The following NMNAT3 variants were observed in gnomAD, a reference collection of about 807,000 sequenced individuals.
The protein encoded by NMNAT3 is nicotinamide/nicotinic acid mononucleotide adenylyltransferase 3.
A neutral mutation model predicts 24.8 loss-of-function variants in NMNAT3; 21 were observed. The ratio of observed to expected loss-of-function variants is 0.85; its 90% CI spans 0.60 to 1.22. The LOEUF is 1.22. Among genes scored for constraint, NMNAT3 ranks in the 50% most tolerant of loss-of-function variants. NMNAT3 has a pLI of 0.00. For synonymous variants in NMNAT3, 136 were observed against 155.2 expected (o/e 0.88, Z 0.92); for missense variants, 387 against 436.6 (o/e 0.89, Z 1.01).
rs908856343 is a variant in NMNAT3 at position 139,583,589 on chromosome 3, G to C, written c.110-381C>G. The C allele has an allele frequency of 3.9e-5, 31 of 791,436 alleles. 1 individual carries two copies. The South Asian group carries it at 4.4e-4, about 11-fold the overall frequency. 49.0% of individuals were successfully genotyped at this position (791,436 alleles called of 1,614,324 possible). On this transcript the variant is annotated intron_variant, in intron 3 of 6. Coordinates refer to ENST00000643695, the MANE Select transcript of NMNAT3 (RefSeq NM_001320510.2). ...TTTGAGAAATATAGGTGGATTGAGA[G>C]ACATTCTTCATTCAAACAAAAGTTT...
At chr3:139,641,009 T>C (rs2056681667) in intron 1 of NMNAT3, among the ~76,000 whole-genome samples, 1 of 152,166 alleles carries the variant, frequency 6.6e-6, no homozygotes, top group South Asian at 2.1e-4. Flanking sequence ...GCCAGAACGG[T>C]AGGCAGTTCA....
intron 1 of NMNAT3, among the ~76,000 whole-genome samples, chr3:139,655,989 AAGATT>A (rs1353974211): frequency 2.0e-5 from 3 of 152,218 alleles, no homozygotes; most frequent in East Asian, 3.8e-4. Flanking sequence ...GGAATTTTAA[AAGATT>A]AGAATGTCAC....
At chr3:139,644,209 G>A (rs1221280919) in intron 1 of NMNAT3, among the ~76,000 whole-genome samples, 1 of 152,060 alleles carries the variant, frequency 6.6e-6, no homozygotes, top group Non-Finnish European at 1.5e-5. Context: ...TAACACATTT[G>A]GCCTGAAATA....
intron 6 of NMNAT3, among the ~76,000 whole-genome samples, chr3:139,563,117 G>T (rs1029042888): frequency 6.6e-6 from 1 of 152,104 alleles, no homozygotes; most frequent in African/African-American, 2.4e-5. Context: ...TTTATGAATT[G>T]TCTCCCAGTG....
At chr3:139,667,335 G>GATTTGC (rs1559973501) in intron 1 of NMNAT3, among the ~76,000 whole-genome samples, 1 of 152,096 alleles carries the variant, frequency 6.6e-6, no homozygotes, top group Non-Finnish European at 1.5e-5. Context: ...TTGTGGTTTT[G>GATTTGC]ATTTGCATTT....
chr3:139,586,084 C>G (rs537861328), intron 3 of NMNAT3, among the ~76,000 whole-genome samples: 1 of 152,312 alleles, frequency 6.6e-6, no homozygotes, highest in African/African-American at 2.4e-5. Context: ...TATCTCTCAG[C>G]TTTTTAGCTT....
At chr3:139,660,550 T>C (rs969572037) in intron 1 of NMNAT3, among the ~76,000 whole-genome samples, 2 of 152,240 alleles carry the variant, frequency 1.3e-5, no homozygotes, top group African/African-American at 2.4e-5. Context: ...TGCGTTCATA[T>C]GTTCAAAGGC....
At chr3:139,622,215 T>A (rs1475062233) in intron 3 of NMNAT3, among the ~76,000 whole-genome samples, 1 of 152,178 alleles carries the variant, frequency 6.6e-6, no homozygotes, top group Non-Finnish European at 1.5e-5. Context: ...TTACAAGAGT[T>A]CCCTTTTCTC....
chr3:139,601,756 C>T (rs1021808566), intron 3 of NMNAT3, among the ~76,000 whole-genome samples: 7 of 152,150 alleles, frequency 4.6e-5, no homozygotes, highest in African/African-American at 1.7e-4. Context: ...TGGGTAGTCA[C>T]TGCTGGGCAG....
chr3:139,654,194 A>G (rs1308603635), intron 1 of NMNAT3, among the ~76,000 whole-genome samples: 1 of 152,214 alleles, frequency 6.6e-6, no homozygotes, highest in Admixed American at 6.5e-5. Context: ...TTGGCAATTA[A>G]TCTGCAGATA....
At chr3:139,620,074 T>C (rs1173598087) in intron 3 of NMNAT3, among the ~76,000 whole-genome samples, 1 of 152,210 alleles carries the variant, frequency 6.6e-6, no homozygotes, top group African/African-American at 2.4e-5. Context: ...TGGTATTTAG[T>C]TTATACGTCT....
At chr3:139,634,690 A>C (rs2056434876) in intron 2 of NMNAT3, 43 bp from the exon 3 acceptor site, 1 of 152,222 alleles carries the variant, frequency 6.6e-6, no homozygotes, top group Non-Finnish European at 1.5e-5. Flanking sequence ...CATCCTAATT[A>C]TGAGACTCCC....
chr3:139,570,631 A>G (rs1938089335), intron 6 of NMNAT3: 1 of 152,466 alleles, frequency 6.6e-6, no homozygotes, highest in Non-Finnish European at 1.5e-5. Context: ...TTGCCTGGGT[A>G]TCAGCAGTGG....
Position 139,560,794 on chromosome 3 carries a change from T to G in NMNAT3, c.*216A>C, listed in dbSNP as rs1647451566. 3 of 547,334 alleles carry G rather than the reference T, an allele frequency of 5.5e-6. No homozygotes were observed. In the African/African-American group the frequency reaches 5.6e-5, roughly 10 times the overall value. 33.9% of individuals were successfully genotyped at this position (547,334 alleles called of 1,614,324 possible). ...AATGACCTGCCACACCATTTTAACT[T>G]CTTTGATAAATGTCTATCCTTGTGA... On this transcript the variant is annotated 3_prime_UTR_variant, in exon 7 of 7. Coordinates refer to ENST00000643695, the MANE Select transcript of NMNAT3 (RefSeq NM_001320510.2).
intron 2 of NMNAT3, chr3:139,636,327 C>T (rs2056499319): frequency 6.8e-6 from 1 of 147,306 alleles, no homozygotes; most frequent in Non-Finnish European, 1.5e-5. Context: ...GAAAAAAATA[C>T]ACCTAAGGAA....
At chr3:139,622,340 T>C (rs2055814107) in intron 3 of NMNAT3, among the ~76,000 whole-genome samples, 1 of 152,074 alleles carries the variant, frequency 6.6e-6, no homozygotes, top group Admixed American at 6.6e-5. Flanking sequence ...TTAGTAATGT[T>C]TAGCAGTTTT....
At chr3:139,593,369 T>C (rs2054291294) in intron 3 of NMNAT3, among the ~76,000 whole-genome samples, 2 of 152,186 alleles carry the variant, frequency 1.3e-5, no homozygotes, top group South Asian at 4.2e-4. Context: ...ATGGGAGACT[T>C]TAACACCCCA....
rs538830546 is a variant in NMNAT3, at chr3:139,624,085, G to A, written c.109+3531C>T. Among the ~76,000 whole-genome samples, 108 of 152,180 alleles carry A rather than the reference G, an allele frequency of 7.1e-4. 1 individual carries two copies. The Middle Eastern group carries it at 0.017, about 24-fold the overall frequency. On this transcript the variant is annotated intron_variant, in intron 3 of 6. Transcript: ENST00000643695. ...AAATGTCATAGTGTGGCAAATTATT[G>A]TATTTGTTTTCTTCTGCTTATTTTG...
At chr3:139,640,046 G>A (rs955055196) in intron 1 of NMNAT3, among the ~76,000 whole-genome samples, 2 of 152,206 alleles carry the variant, frequency 1.3e-5, no homozygotes, top group Non-Finnish European at 2.9e-5. Context: ...AGAATCAGAA[G>A]AACCCCTTCC....
Sources: allele counts gnomAD v4.1 joint callset (sites outside exome capture counted in the v4.1 genomes callset), GRCh38; gene constraint gnomAD v4.1.1; transcripts MANE v1.5; gene names NCBI Gene and HGNC (gene_info 2026-07-23, HGNC 2026-07-21).